FOXM1: variants seen among roughly 807,000 people sequenced by gnomAD.
FOXM1 encodes the protein forkhead box M1.
In FOXM1, 25 loss-of-function variants were observed where a neutral mutation model predicts 63.6. That is an observed-to-expected ratio of 0.39 (90% CI 0.29 to 0.55). The LOEUF is 0.55. Ranked by LOEUF, FOXM1 falls within the 20% of genes least tolerant of loss-of-function variation. The pLI is 0.60. For synonymous variants in FOXM1, 387 were observed against 376.9 expected (o/e 1.03, Z -0.31); for missense variants, 879 against 958.7 (o/e 0.92, Z 1.10).
In FOXM1 at chr12:2,864,730, T is replaced by C. The variant is rs1290893169; in HGVS notation, c.1043A>G (p.Glu348Gly). 1 of 1,614,102 alleles carries C rather than the reference T, an allele frequency of 6.2e-7. No homozygotes were observed. The highest frequency in any genetic ancestry group is 8.5e-7 in the Non-Finnish European group (1 of 1,180,018). ...TTTGATGGTCATGTTCCGGCGGAGCTCTGGATTCGGTCGTTTCTGCTGCTG... is the reference window on the plus strand; with the variant it reads ...TTTGATGGTCATGTTCCGGCGGAGCCCTGGATTCGGTCGTTTCTGCTGCTG... Reference protein sequence around the residue: ...LESQQKRPNPELRRNMTIKTE... With the variant: ...LESQQKRPNPGLRRNMTIKTE... Residue 348 changes from glutamate to glycine, a missense_variant, in exon 7 of 9, where the codon GAG becomes GGG. Glu to Gly is a moderately conservative substitution (Grantham distance 98, BLOSUM62 -2). Around this residue, in one of 4 missense-constraint regions of FOXM1, gnomAD observed 76 missense variants for 94.5 expected, o/e 0.80. Coordinates refer to ENST00000359843, the MANE Select transcript of FOXM1 (RefSeq NM_021953.4). This position sits in a 1 kb window ranked among gnomAD's most constrained non-coding sequence, Gnocchi z 5.1.
At position 2,858,803 on chromosome 12, in the gene FOXM1, AACCT is replaced by A; in HGVS notation, c.2123_2126del (p.Gln708LeufsTer10). On this transcript the variant is annotated frameshift_variant, in exon 9 of 9. Transcript: ENST00000359843. LOFTEE classifies it high-confidence loss of function. ...GAGAACGATTGGCTGCAAGGCCAGA[AACCT>A]GTGGCTCCGGGGAGCCTGGCTTGGG... 2 of 1,614,196 alleles carry A rather than the reference AACCT, an allele frequency of 1.2e-6. No homozygotes were observed. Among genetic ancestry groups the A allele is most frequent in the Non-Finnish European group, 1.7e-6 (2 of 1,180,030 alleles).
chr12:2,864,393 G>C lies in FOXM1; in HGVS notation c.1193C>G (p.Pro398Arg). ...CATGAGGGAAGCCGCCAGGGGCAAT[G>C]GCACCTTCACCGAGGGCTGCAACAC... The part of the protein sequence containing the change: ...SLVLQPSVKV[P>R]LPLAASLMSS... Residue 398 changes from proline (P) to arginine (R), a missense_variant, in exon 8 of 9, where the codon CCA becomes CGA. Around this residue, in one of 4 missense-constraint regions of FOXM1, gnomAD observed 486 missense variants for 453.5 expected, o/e 1.07. Coordinates refer to ENST00000359843, the MANE Select transcript of FOXM1 (RefSeq NM_021953.4). This position sits in a 1 kb window ranked among gnomAD's most constrained non-coding sequence, Gnocchi z 5.1. 1.2e-6 allele frequency: 2 copies of C among 1,614,140 alleles called. No homozygotes were observed. The highest frequency in any genetic ancestry group is 1.7e-6 in the Non-Finnish European group (2 of 1,180,018).
chr12:2,872,241 C>A lies in FOXM1; in HGVS notation c.509G>T (p.Gly170Val). ...GTTGATAGTGCAGCCTGCTGCCTCA[C>A]CATCTGCTAGAGGGAAAATAATCCA... ...CEQKRETCAD[G>V]EAAGCTINNS... is the part of the protein sequence containing the mutation. The change falls in exon 3 of 9, where the codon GGT becomes GTT. Residue 170 changes from glycine to valine, a missense_variant. Around this residue, in one of 4 missense-constraint regions of FOXM1, gnomAD observed 255 missense variants for 292.4 expected, o/e 0.87. Transcript: ENST00000359843. The surrounding 1 kb of genome is among the most constrained non-coding windows in gnomAD (Gnocchi z 4.0). 2 of 1,614,176 alleles carry A rather than the reference C, an allele frequency of 1.2e-6. No individual in the cohort carries two copies. Among genetic ancestry groups the A allele is most frequent in the Non-Finnish European group, 1.7e-6 (2 of 1,180,012 alleles).
chr12:2,858,905 C>A lies in FOXM1; in HGVS notation c.2025G>T (p.Arg675Ser), dbSNP rs995881166. 4 of 1,613,762 alleles carry A rather than the reference C, an allele frequency of 2.5e-6. No individual in the cohort carries two copies. Among genetic ancestry groups the A allele is most frequent in the Non-Finnish European group, 2.5e-6 (3 of 1,179,990 alleles). The change falls in exon 9 of 9, where the codon AGG (arginine) becomes AGT (serine). Residue 675 changes from arginine (R) to serine (S), a missense_variant. Physicochemically the swap from Arg to Ser is moderately radical, Grantham distance 110. Around this residue, in one of 4 missense-constraint regions of FOXM1, gnomAD observed 486 missense variants for 453.5 expected, o/e 1.07. Coordinates refer to ENST00000359843, the MANE Select transcript of FOXM1 (RefSeq NM_021953.4). ...QSAPPLESPQ[R>S]LLSSEPLDLI... is the part of the protein sequence containing the mutation. ...GGTCTAAGGGTTCTGAACTGAGGAGCCTTTGCGGTGATTCAAGGGGGGGAG... is the reference window on the plus strand; with the variant it reads ...GGTCTAAGGGTTCTGAACTGAGGAGACTTTGCGGTGATTCAAGGGGGGGAG...
At chr12:2,869,737 A>ATT (rs57611486) in intron 3 of FOXM1, among the ~76,000 whole-genome samples, 3,412 of 130,240 alleles carry the variant, frequency 0.026, 144 homozygotes, top group African/African-American at 0.09. Flanking sequence ...GCGCCTGGCG[A>ATT]TTTTTTTTTT....
Position 2,858,952 on chromosome 12 carries a change from T to C in FOXM1, c.1978A>G (p.Ser660Gly). 1 of 1,613,500 alleles carries C rather than the reference T, an allele frequency of 6.2e-7. No homozygotes were observed. Among genetic ancestry groups the C allele is most frequent in the East Asian group, 2.2e-5 (1 of 44,852 alleles). ...GGAGCACTTTGCAAGGGAGTGGTGC[T>C]GAGATCCATCAGCCCCAGGGGGTCA... ...LPDPLGLMDL[S>G]TTPLQSAPPL... The change falls in exon 9 of 9, where the codon AGC (serine) becomes GGC (glycine). Residue 660 changes from serine (S) to glycine (G), a missense_variant. Ser to Gly is a moderately conservative substitution (Grantham distance 56). Coordinates refer to ENST00000359843, the MANE Select transcript of FOXM1 (RefSeq NM_021953.4).
At chr12:2,869,436 A>ATT (rs57569983) in intron 3 of FOXM1, among the ~76,000 whole-genome samples, 3,924 of 134,546 alleles carry the variant, frequency 0.029, 198 homozygotes, top group African/African-American at 0.1. Context: ...CGCCCAGCTA[A>ATT]TTTTTTTTTT....
chr12:2,872,991 C>A lies in FOXM1; in HGVS notation c.503-744G>T, dbSNP rs2098135766. On this transcript the variant is annotated intron_variant, in intron 2 of 8. Transcript: ENST00000359843. The surrounding 1 kb of genome is among the most constrained non-coding windows in gnomAD (Gnocchi z 4.0). ...ATGGCTTGAGTCCAGGCATTCGAGGCTAGAGTGAGCCGTGATTGCGCCACT... is the reference window on the plus strand; with the variant it reads ...ATGGCTTGAGTCCAGGCATTCGAGGATAGAGTGAGCCGTGATTGCGCCACT... Among the ~76,000 whole-genome samples the A allele has an allele frequency of 1.3e-5, 2 of 152,134 alleles. No homozygotes were observed. The highest frequency in any genetic ancestry group is 1.5e-5 in the Non-Finnish European group (1 of 68,020).
chr12:2,865,603 G>A (rs569271976), intron 5 of FOXM1, among the ~76,000 whole-genome samples: 6 of 147,568 alleles, frequency 4.1e-5, no homozygotes, highest in East Asian at 2.0e-4. Flanking sequence ...CTGAAAAGAC[G>A]TTCTGGTAGC....
chr12:2,871,233 G>A (rs1466238575), intron 3 of FOXM1, among the ~76,000 whole-genome samples: 1 of 152,056 alleles, frequency 6.6e-6, no homozygotes, highest in East Asian at 1.9e-4. Context: ...AATAAAGGTT[G>A]AATGAGTGAT....
intron 3 of FOXM1, among the ~76,000 whole-genome samples, chr12:2,870,440 G>A (rs1376750669): frequency 2.6e-5 from 4 of 152,192 alleles, no homozygotes; most frequent in African/African-American, 9.6e-5. Context: ...TGAGGCGGGT[G>A]GATGACGAGG....
intron 8 of FOXM1, chr12:2,861,497 G>A (rs28990725): frequency 0.018 from 7,673 of 431,132 alleles, 537 homozygotes; most frequent in African/African-American, 0.14. Flanking sequence ...TAGATTGGCA[G>A]ATATTAAACA....
Position 2,872,804 on chromosome 12 carries a change from G to A in FOXM1, c.503-557C>T, listed in dbSNP as rs1281750970. On this transcript the variant is annotated intron_variant, in intron 2 of 8. Coordinates refer to ENST00000359843, the MANE Select transcript of FOXM1 (RefSeq NM_021953.4). This position sits in a 1 kb window ranked among gnomAD's most constrained non-coding sequence, Gnocchi z 4.0. The stretch of plus-strand genomic sequence containing the variant: ...CACTGAGCCTTAGAGATCAATCAAG[G>A]CAGGCTTACAAAAGAATTATTGAGA... Among the ~76,000 whole-genome samples, 1 of 151,994 alleles carries A rather than the reference G, an allele frequency of 6.6e-6. No individual in the cohort carries two copies. Among genetic ancestry groups the A allele is most frequent in the Non-Finnish European group, 1.5e-5 (1 of 68,008 alleles).
At chr12:2,862,995 G>A (rs1391408068) in intron 8 of FOXM1, among the ~76,000 whole-genome samples, 1 of 152,094 alleles carries the variant, frequency 6.6e-6, no homozygotes, top group African/African-American at 2.4e-5. Context: ...AGTGTTAAGT[G>A]CAGATCTGAT....
In FOXM1 at chr12:2,864,893, A is replaced by G; in HGVS notation, c.1021-141T>C. 1 of 875,068 alleles carries G rather than the reference A, an allele frequency of 1.1e-6. No individual in the cohort carries two copies. The highest frequency in any genetic ancestry group is 1.9e-6 in the Non-Finnish European group (1 of 533,582). The allele number at this position is 875,068 out of a possible 1,614,324, so 54.2% of individuals were successfully genotyped here. On this transcript the variant is annotated intron_variant, in intron 6 of 8. Transcript: ENST00000359843. The surrounding 1 kb of genome is among the most constrained non-coding windows in gnomAD (Gnocchi z 5.1). ...AGAGAGAGGAGGCCAACCTGAGGGGATGGACGTAGGCGAGCAGTCTCCAAA... is the reference window on the plus strand; with the variant it reads ...AGAGAGAGGAGGCCAACCTGAGGGGGTGGACGTAGGCGAGCAGTCTCCAAA...
At chr12:2,873,888 C>A (rs533880963) in intron 2 of FOXM1, 89 bp downstream of exon 2, 3 of 1,417,702 alleles carry the variant, frequency 2.1e-6, no homozygotes, top group African/African-American at 2.9e-5. Flanking sequence ...AGAAGCCTGA[C>A]TGTTGTAAGC....
chr12:2,872,218 T>G lies in FOXM1; in HGVS notation c.532A>C (p.Asn178His), dbSNP rs1249659361. The change falls in exon 3 of 9, where the codon AAC (asparagine) becomes CAC (histidine). Residue 178 changes from asparagine to histidine, a missense_variant. Asn to His is a moderately conservative substitution (Grantham distance 68). Around this residue, in one of 4 missense-constraint regions of FOXM1, gnomAD observed 255 missense variants for 292.4 expected, o/e 0.87. Coordinates refer to ENST00000359843, the MANE Select transcript of FOXM1 (RefSeq NM_021953.4). This position sits in a 1 kb window ranked among gnomAD's most constrained non-coding sequence, Gnocchi z 4.0. Reference protein sequence around the residue: ...ADGEAAGCTINNSLSNIQWLR... With the variant: ...ADGEAAGCTIHNSLSNIQWLR... ...CACTGGATGTTGGATAGGCTATTGT[T>G]GATAGTGCAGCCTGCTGCCTCACCA... 6.2e-7 allele frequency: 1 copy of G among 1,614,092 alleles called. No homozygotes were observed. Among genetic ancestry groups the G allele is most frequent in the African/African-American group, 1.3e-5 (1 of 74,932 alleles).
chr12:2,866,773 T>TA (rs2098123958), intron 4 of FOXM1, among the ~76,000 whole-genome samples: 6 of 152,308 alleles, frequency 3.9e-5, no homozygotes, highest in Admixed American at 1.3e-4. Context: ...AGAAAAGACC[T>TA]AGATAGCTGT....
chr12:2,870,815 C>T (rs1250893508), intron 3 of FOXM1, among the ~76,000 whole-genome samples: 2 of 151,768 alleles, frequency 1.3e-5, no homozygotes, highest in Non-Finnish European at 2.9e-5. Flanking sequence ...AAAAATTAGC[C>T]GGGCGTGGCA....
Sources: gnomAD v4.1 joint callset for allele counts (sites outside exome capture counted in the v4.1 genomes callset) on GRCh38, gnomAD v4.1.1 for gene constraint, gnomAD v4.1.1 regional missense constraint, Gnocchi (gnomAD v3.1) non-coding constraint, MANE v1.5 for transcripts, NCBI Gene and HGNC (gene_info 2026-07-23, HGNC 2026-07-21) for gene names.